The following ASCC3 variants were observed in gnomAD, a reference collection of about 807,000 sequenced individuals.
ASCC3 encodes ASC-1 complex subunit P200.
In ASCC3, 158 loss-of-function variants were observed where a neutral mutation model predicts 256.3. The ratio of observed to expected loss-of-function variants is 0.62; its 90% CI spans 0.54 to 0.70. The LOEUF is 0.70. Among genes scored for constraint, ASCC3 ranks in the 30% least tolerant of loss-of-function variants. The pLI is 0.00. For synonymous variants in ASCC3, 948 were observed against 883.4 expected, an observed-to-expected ratio of 1.07 and a Z score of -1.30; for missense variants, 2,259 against 2,626.0, an observed-to-expected ratio of 0.86 and a Z score of 3.05.
chr6:100,553,479 G>C (rs909376354), intron 36 of ASCC3, among the ~76,000 whole-genome samples: 8 of 152,112 alleles, frequency 5.3e-5, no homozygotes, highest in Admixed American at 5.2e-4. Flanking sequence ...AGCAAGGTCA[G>C]TGGAGTCCAT....
chr6:100,879,848 C>A (rs1242797014), intron 1 of ASCC3, among the ~76,000 whole-genome samples: 11 of 152,138 alleles, frequency 7.2e-5, no homozygotes, highest in Admixed American at 6.5e-4. Flanking sequence ...CCTTTCAATG[C>A]CAATTACATA....
intron 14 of ASCC3, among the ~76,000 whole-genome samples, chr6:100,670,563 C>A (rs1237573272): frequency 2.1e-5 from 3 of 144,264 alleles, no homozygotes; most frequent in African/African-American, 7.8e-5. Context: ...ATACAACCAT[C>A]TTCCCCCCCC....
intron 33 of ASCC3, among the ~76,000 whole-genome samples, chr6:100,602,715 A>G (rs997016357): frequency 6.6e-6 from 1 of 152,116 alleles, no homozygotes; most frequent in African/African-American, 2.4e-5. Flanking sequence ...GACATTATGT[A>G]TTAGGTGTTG....
At chr6:100,782,965 A>G (rs1183261994) in intron 8 of ASCC3, among the ~76,000 whole-genome samples, 1 of 152,036 alleles carries the variant, frequency 6.6e-6, no homozygotes, top group Non-Finnish European at 1.5e-5. Context: ...GCTTCTCAGT[A>G]TGTAAAGGTT....
At chr6:100,583,841 T>C (rs548719092) in intron 36 of ASCC3, among the ~76,000 whole-genome samples, 5 of 152,250 alleles carry the variant, frequency 3.3e-5, no homozygotes, top group Non-Finnish European at 5.9e-5. Flanking sequence ...CATTTCGTTA[T>C]GTACCCAGTG....
intron 36 of ASCC3, among the ~76,000 whole-genome samples, chr6:100,587,413 A>T (rs1406707076): frequency 6.6e-6 from 1 of 152,342 alleles, no homozygotes; most frequent in Admixed American, 6.5e-5. Context: ...GTAGCTACAC[A>T]TAGTGTTCAA....
At chr6:100,601,236 T>TTATAA (rs1283627002) in intron 34 of ASCC3, among the ~76,000 whole-genome samples, 2 of 152,104 alleles carry the variant, frequency 1.3e-5, no homozygotes, top group African/African-American at 4.8e-5. Context: ...TTGTAACGAC[T>TTATAA]TATATGGTTT....
At chr6:100,852,518 A>G (rs993505249) in intron 3 of ASCC3, among the ~76,000 whole-genome samples, 2 of 152,194 alleles carry the variant, frequency 1.3e-5, no homozygotes, top group African/African-American at 2.4e-5. Context: ...ATGTAATTTA[A>G]TAATAAAAAC....
rs142769696 is a variant in ASCC3 at position 100,811,097 on chromosome 6, A to T, written c.802-5217T>A. Among the ~76,000 whole-genome samples, 82 of 152,220 alleles carry T rather than the reference A, an allele frequency of 5.4e-4. 2 individuals are homozygous for T. Among genetic ancestry groups the T allele is most frequent in the South Asian group, 4.1e-3 (20 of 4,822 alleles). On this transcript the variant is annotated intron_variant, in intron 4 of 41. Coordinates refer to ENST00000369162, the MANE Select transcript of ASCC3 (RefSeq NM_006828.4). ...CTAGAAACAGTGTCCAACAACGTAA[A>T]TATTTCTGGAGTTGAATCAAAAAAT...
chr6:100,792,840 T>G (rs924889265), intron 8 of ASCC3, among the ~76,000 whole-genome samples: 12 of 151,922 alleles, frequency 7.9e-5, no homozygotes, highest in African/African-American at 2.7e-4. Context: ...AAACTTTAAC[T>G]TGAGTTGCAT....
rs1215039806 is a variant in ASCC3, at chr6:100,647,206, C to T, written c.3478+20G>A. On this transcript the variant is annotated intron_variant, in intron 21 of 41. Coordinates refer to ENST00000369162, the MANE Select transcript of ASCC3 (RefSeq NM_006828.4). ...ATTTGCACAAAACAATACATTCAAA[C>T]ATATTTGCTTCCTTCTTACCTATTT... 6.4e-7 allele frequency: 1 copy of T among 1,568,354 alleles called. No individual in the cohort carries two copies. The highest frequency in any genetic ancestry group is 1.4e-5 in the African/African-American group (1 of 74,014).
At chr6:100,627,510 G>C (rs1774300472) in intron 29 of ASCC3, 80 bp downstream of exon 29, 1 of 1,579,570 alleles carries the variant, frequency 6.3e-7, no homozygotes. Flanking sequence ...TCCTTTCAAA[G>C]AAACCAACAC....
intron 40 of ASCC3, among the ~76,000 whole-genome samples, chr6:100,511,347 G>A (rs572504593): frequency 6.6e-6 from 1 of 152,312 alleles, no homozygotes; most frequent in African/African-American, 2.4e-5. Context: ...AAACCCGGGA[G>A]GCGGAGGTTG....
In ASCC3 at chr6:100,798,812, T is replaced by C; in HGVS notation, c.1296A>G (p.Arg432=). Residue 432 remains arginine (R), a synonymous_variant, in exon 8 of 42, where the codon AGA becomes AGG. Transcript: ENST00000369162. ...CTTCTTCATAAAGCTTGTTATTCTC[T>C]CTTTGGATTCCTTCTGGCAAAATCA... is the stretch of plus-strand genomic sequence containing the variant. ...AKMILPEGIQ[R]ENNKLYEEVR... 1 of 1,612,732 alleles carries C rather than the reference T, an allele frequency of 6.2e-7. No individual in the cohort carries two copies. The highest frequency in any genetic ancestry group is 8.5e-7 in the Non-Finnish European group (1 of 1,179,432).
At chr6:100,618,596 C>T (rs1773785370) in intron 30 of ASCC3, among the ~76,000 whole-genome samples, 2 of 152,172 alleles carry the variant, frequency 1.3e-5, no homozygotes, top group Admixed American at 1.3e-4. Flanking sequence ...GAAACATAAA[C>T]TTCCTTTTCC....
intron 11 of ASCC3, among the ~76,000 whole-genome samples, chr6:100,719,946 G>A (rs1779249262): frequency 6.6e-6 from 1 of 151,806 alleles, no homozygotes; most frequent in Non-Finnish European, 1.5e-5. Flanking sequence ...ATCATGCCAA[G>A]TGTATTATGA....
intron 10 of ASCC3, among the ~76,000 whole-genome samples, chr6:100,731,371 A>G (rs1484397515): frequency 1.3e-5 from 2 of 152,182 alleles, no homozygotes; most frequent in Non-Finnish European, 2.9e-5. Flanking sequence ...ATAAGCTTGT[A>G]AAAAAAGGGA....
chr6:100,510,088 G>T lies in ASCC3; in HGVS notation c.6305C>A (p.Ala2102Glu). Residue 2102 changes from alanine to glutamate, a missense_variant, in exon 41 of 42, where the codon GCA becomes GAA. Physicochemically the swap from Ala to Glu is moderately radical, Grantham distance 107 (BLOSUM62 -1). Around this residue, in one of 2 missense-constraint regions of ASCC3, gnomAD observed 1,839 missense variants for 2,206.7 expected, o/e 0.83. Coordinates refer to ENST00000369162, the MANE Select transcript of ASCC3 (RefSeq NM_006828.4). The stretch of plus-strand genomic sequence containing the variant: ...TGATTTGGGAAATCGAGGAGTAACT[G>T]CACAGCTCTCTGGCTTTCCCTGTAA... ...GFHKGKPESC[A>E]VTPRFPKSKD... 6.2e-7 allele frequency: 1 copy of T among 1,614,058 alleles called. No individual in the cohort carries two copies. Among genetic ancestry groups the T allele is most frequent in the Non-Finnish European group, 8.5e-7 (1 of 1,180,014 alleles).
At chr6:100,835,973 T>C (rs1771856547) in intron 4 of ASCC3, among the ~76,000 whole-genome samples, 1 of 152,146 alleles carries the variant, frequency 6.6e-6, no homozygotes, top group Non-Finnish European at 1.5e-5. Context: ...CCATCCCTGA[T>C]TAAATCTATT....
Sources: allele counts gnomAD v4.1 joint callset (sites outside exome capture counted in the v4.1 genomes callset), GRCh38; gene constraint gnomAD v4.1.1; regional missense constraint gnomAD v4.1.1; transcripts MANE v1.5; gene names NCBI Gene and HGNC (gene_info 2026-07-23, HGNC 2026-07-21).